Variants in HPSE2 observed in about 807,000 individuals in gnomAD.
HPSE2 encodes heparanase 2 (inactive), also known as inactive heparanase-2.
Under a neutral mutation model 60.5 loss-of-function variants are expected in HPSE2, and 38 were observed. The observed-to-expected ratio is 0.63, with a 90% CI of 0.48 to 0.82. The LOEUF (loss-of-function observed/expected upper bound fraction) is 0.82, where lower values mean the gene tolerates loss of function less well. HPSE2 is among the 40% of genes least tolerant of loss of function. The pLI is 0.00. For missense variants in HPSE2, 713 were observed against 740.4 expected, an observed-to-expected ratio of 0.96 and a Z score of 0.43; for synonymous variants, 295 against 293.2, an observed-to-expected ratio of 1.01 and a Z score of -0.06.
intron 3 of HPSE2, among the ~76,000 whole-genome samples, chr10:99,139,242 C>G (rs1173583040): frequency 6.6e-6 from 1 of 151,958 alleles, no homozygotes; most frequent in African/African-American, 2.4e-5. Context: ...TATGGGTTTG[C>G]AAAGGCATAC....
At chr10:99,086,228 C>A (rs1200416349) in intron 3 of HPSE2, among the ~76,000 whole-genome samples, 2 of 151,238 alleles carry the variant, frequency 1.3e-5, no homozygotes, top group Non-Finnish European at 2.9e-5. Flanking sequence ...AGCCCTCAAA[C>A]TAACATAAAA....
At chr10:98,774,217 A>C (rs1487295122) in intron 3 of HPSE2, among the ~76,000 whole-genome samples, 1 of 152,150 alleles carries the variant, frequency 6.6e-6, no homozygotes, top group East Asian at 1.9e-4. Context: ...TAAGGACTAG[A>C]ATAAAAAAGA....
the HPSE2 span, among the ~76,000 whole-genome samples, chr10:99,302,779 A>G: frequency 1.3e-5 from 2 of 151,816 alleles, no homozygotes; most frequent in Non-Finnish European, 2.9e-5. Flanking sequence ...AGGGTCACCA[A>G]GGCCTATGAA....
Position 98,631,538 on chromosome 10 carries a change from T to C in HPSE2, c.1098+10309A>G, listed in dbSNP as rs144201273. 5.6e-3 allele frequency among the ~76,000 whole-genome samples: 860 copies of C among 152,322 alleles called. 6 individuals carry two copies. The highest frequency in any genetic ancestry group is 0.02 in the African/African-American group (823 of 41,566). Reference sequence around the variant, plus strand: ...CCAGCAGCCTCACTGTTAATTTTACTCTTGCTTAGGACAAACCCTATAATC... The same window carrying C: ...CCAGCAGCCTCACTGTTAATTTTACCCTTGCTTAGGACAAACCCTATAATC... On this transcript the variant is annotated intron_variant, in intron 7 of 11. Coordinates refer to ENST00000370552, the MANE Select transcript of HPSE2 (RefSeq NM_021828.5).
At chr10:99,226,551 GA>G (rs1398879640) in intron 2 of HPSE2, among the ~76,000 whole-genome samples, 1 of 151,954 alleles carries the variant, frequency 6.6e-6, no homozygotes, top group African/African-American at 2.4e-5. Flanking sequence ...TCATATCAGA[GA>G]ATAATACATG....
intron 6 of HPSE2, among the ~76,000 whole-genome samples, chr10:98,649,935 T>G (rs1339294436): frequency 6.6e-6 from 1 of 152,192 alleles, no homozygotes; most frequent in Non-Finnish European, 1.5e-5. Flanking sequence ...CACCTGAGCT[T>G]GCTCCTGGGG....
chr10:99,105,993 T>C (rs1844233611), intron 3 of HPSE2, among the ~76,000 whole-genome samples: 1 of 152,140 alleles, frequency 6.6e-6, no homozygotes, highest in African/African-American at 2.4e-5. Flanking sequence ...AATACCACAC[T>C]GTCTCCATTA....
At chr10:98,601,211 G>A (rs1945416341) in intron 9 of HPSE2, among the ~76,000 whole-genome samples, 2 of 151,916 alleles carry the variant, frequency 1.3e-5, no homozygotes, top group African/African-American at 2.4e-5. Flanking sequence ...ACATTATGGA[G>A]GGTAATCTGC....
chr10:98,828,203 G>A (rs565796639), intron 3 of HPSE2, among the ~76,000 whole-genome samples: 239 of 152,288 alleles, frequency 1.6e-3, no homozygotes, highest in Admixed American at 3.3e-3. Flanking sequence ...CTGTAGAACC[G>A]TAACTAATAG....
chr10:98,685,292 G>T (rs1039851158), intron 6 of HPSE2, among the ~76,000 whole-genome samples: 6 of 152,066 alleles, frequency 3.9e-5, no homozygotes, highest in Non-Finnish European at 7.4e-5. Context: ...CATATGATGA[G>T]ATACATGAAT....
intron 3 of HPSE2, among the ~76,000 whole-genome samples, chr10:99,114,137 T>C (rs1324531283): frequency 2.0e-5 from 3 of 152,356 alleles, no homozygotes; most frequent in South Asian, 4.1e-4. Context: ...CAAGTCATCT[T>C]CTTACAGGTT....
chr10:98,508,474 G>A lies in HPSE2; in HGVS notation c.1321-18278C>T, dbSNP rs561370170. The stretch of plus-strand genomic sequence containing the variant: ...AGTAGAGTGCCCGGCTATAGGAGGT[G>A]CTAGAATTTAATTATGGAATGCCTA... On this transcript the variant is annotated intron_variant, in intron 9 of 11. Transcript: ENST00000370552. 8.1e-4 allele frequency among the ~76,000 whole-genome samples: 123 copies of A among 152,304 alleles called. 1 individual carries two copies. The highest frequency in any genetic ancestry group is 3.4e-3 in the Middle Eastern group (1 of 294).
chr10:98,611,079 T>C (rs116838741), intron 9 of HPSE2, among the ~76,000 whole-genome samples: 5,603 of 152,060 alleles, frequency 0.037, 362 homozygotes, highest in African/African-American at 0.13. Flanking sequence ...CACGTCCCCA[T>C]TTTCCCAGTG....
chr10:99,156,500 C>A (rs1407653810), intron 2 of HPSE2, among the ~76,000 whole-genome samples: 4 of 130,968 alleles, frequency 3.1e-5, no homozygotes, highest in Non-Finnish European at 5.1e-5. Flanking sequence ...AGACAAAAAC[C>A]ACATGATTAT....
intron 3 of HPSE2, among the ~76,000 whole-genome samples, chr10:98,901,448 T>C (rs761373536): frequency 1.3e-5 from 2 of 152,192 alleles, no homozygotes; most frequent in African/African-American, 4.8e-5. Context: ...TGAATGCAAA[T>C]ACATTTTCTA....
At chr10:98,799,203 A>G (rs1950849061) in intron 3 of HPSE2, among the ~76,000 whole-genome samples, 1 of 152,248 alleles carries the variant, frequency 6.6e-6, no homozygotes, top group East Asian at 1.9e-4. Context: ...AGGTCATTAT[A>G]TAATGATAAA....
intron 3 of HPSE2, among the ~76,000 whole-genome samples, chr10:98,975,939 T>C (rs568403088): frequency 1.3e-4 from 20 of 152,270 alleles, no homozygotes; most frequent in African/African-American, 4.8e-4. Context: ...ATGCAGGTTT[T>C]AGAAATAGAA....
intron 3 of HPSE2, among the ~76,000 whole-genome samples, chr10:99,075,575 C>T (rs886937531): frequency 2.0e-5 from 3 of 152,000 alleles, no homozygotes; most frequent in African/African-American, 7.2e-5. Flanking sequence ...TCAGCTGTTT[C>T]CTTATTGATT....
chr10:98,661,135 C>T (rs78191192), intron 6 of HPSE2, among the ~76,000 whole-genome samples: 3,829 of 152,168 alleles, frequency 0.025, 185 homozygotes, highest in African/African-American at 0.088. Context: ...ATCACAAGCC[C>T]GATGCAGGCT....
Sources: allele counts gnomAD v4.1 joint callset (sites outside exome capture counted in the v4.1 genomes callset), GRCh38; gene constraint gnomAD v4.1.1; transcripts MANE v1.5; gene names NCBI Gene and HGNC (gene_info 2026-07-23, HGNC 2026-07-21).